The following ALPK2 variants were observed in gnomAD, a reference collection of about 807,000 sequenced individuals.
ALPK2 encodes the protein alpha-protein kinase 2.
In ALPK2, 127 loss-of-function variants were observed where a neutral mutation model predicts 163.1. The observed-to-expected ratio is 0.78, with a 90% CI of 0.67 to 0.90. The LOEUF (loss-of-function observed/expected upper bound fraction) is 0.90. ALPK2 is among the 40% of genes least tolerant of loss of function. The probability of loss-of-function intolerance (pLI) is 0.00; values close to 1 mark genes in which losing one functional copy is unlikely to be tolerated. For synonymous variants in ALPK2, 953 were observed against 959.1 expected, an observed-to-expected ratio of 0.99 and a Z score of 0.12; for missense variants, 2,360 against 2,589.6, an observed-to-expected ratio of 0.91 and a Z score of 1.92.
At chr18:58,618,425 G>T (rs866964668) in intron 1 of ALPK2, among the ~76,000 whole-genome samples, 1 of 152,178 alleles carries the variant, frequency 6.6e-6, no homozygotes, top group African/African-American at 2.4e-5. Context: ...GATGTGGGGC[G>T]TGGATTCCTG....
intron 3 of ALPK2, among the ~76,000 whole-genome samples, chr18:58,599,972 C>A (rs2052060443): frequency 6.9e-6 from 1 of 144,064 alleles, no homozygotes; most frequent in Non-Finnish European, 1.5e-5. Flanking sequence ...TTGATGGTGA[C>A]AATTCTATTA....
rs1010821663 is a variant in ALPK2 at position 58,559,159 on chromosome 18, C to T, written c.1962+19655G>A. Among the ~76,000 whole-genome samples, 7 of 152,166 alleles carry T rather than the reference C, an allele frequency of 4.6e-5. 1 individual carries two copies. The South Asian group carries it at 6.2e-4, about 13-fold the overall frequency. On this transcript the variant is annotated intron_variant, in intron 4 of 12. Transcript: ENST00000361673. ...ATATAATCTAGCCAAAGCTAATCAA[C>T]GTGGGGTGATTTTTGCCCCCATCCC...
intron 1 of ALPK2, among the ~76,000 whole-genome samples, chr18:58,626,817 T>G (rs1361406400): frequency 6.9e-6 from 1 of 144,892 alleles, no homozygotes; most frequent in Non-Finnish European, 1.5e-5. Context: ...ATTGCACTGA[T>G]GCAGATAATG....
rs779550379 is a variant in ALPK2 at position 58,579,074 on chromosome 18, T to C, written c.1702A>G (p.Lys568Glu). The C allele has an allele frequency of 1.2e-6, 2 of 1,614,236 alleles. No homozygotes were observed. The highest frequency in any genetic ancestry group is 1.1e-5 in the South Asian group (1 of 91,084). Residue 568 changes from lysine (K) to glutamate (E), a missense_variant, in exon 4 of 13, where the codon AAA becomes GAA. Coordinates refer to ENST00000361673, the MANE Select transcript of ALPK2 (RefSeq NM_052947.4). ...TEGTLHLCSA[K>E]ESAEPPLTQS... ...GTTAGTGGGGGCTCAGCAGATTCTT[T>C]GGCAGAGCAGAGATGAAGGGTACCT...
rs1393755160 is a variant in ALPK2 at position 58,628,793 on chromosome 18, G to A, written c.-50C>T. ...CAGTACTCTTTGTCCAAGAAATGTT[G>A]TAGGAGGGCTGGCTCAGCTGTGGAT... is the stretch of plus-strand genomic sequence containing the variant. On this transcript the variant is annotated 5_prime_UTR_variant, in exon 1 of 13. An upstream open reading frame in the 5' UTR gains an earlier in-frame stop. Transcript: ENST00000361673. 6.6e-6 allele frequency: 1 copy of A among 152,212 alleles called. No individual in the cohort carries two copies. Among genetic ancestry groups the A allele is most frequent in the East Asian group, 1.9e-4 (1 of 5,200 alleles). The allele number at this position is 152,212 out of a possible 1,614,324, so 9.4% of individuals were successfully genotyped here.
chr18:58,489,386 T>G (rs769063261), intron 12 of ALPK2, among the ~76,000 whole-genome samples: 20 of 152,340 alleles, frequency 1.3e-4, no homozygotes, highest in Middle Eastern at 3.4e-3. Flanking sequence ...AAATGCTATC[T>G]GATATCTCTC....
chr18:58,481,608 A>G lies in ALPK2; in HGVS notation c.*215T>C, dbSNP rs1284031131. ...TGTCTTTGAGACCAATCGTTGATTC[A>G]ATCTCCCCATAAACCTGGTCGCAAA... On this transcript the variant is annotated 3_prime_UTR_variant, in exon 13 of 13. Coordinates refer to ENST00000361673, the MANE Select transcript of ALPK2 (RefSeq NM_052947.4). The G allele has an allele frequency of 1.7e-6, 1 of 582,466 alleles. No individual in the cohort carries two copies. The highest frequency in any genetic ancestry group is 3.1e-6 in the Non-Finnish European group (1 of 324,106). The allele number at this position is 582,466 out of a possible 1,614,324, so 36.1% of individuals were successfully genotyped here.
At chr18:58,565,487 A>T (rs12604778) in intron 4 of ALPK2, among the ~76,000 whole-genome samples, 130,674 of 152,248 alleles carry the variant, frequency 0.86, 56,567 homozygotes, top group East Asian at 1. Context: ...AGGTTGAGCA[A>T]CTTCTTGCAT....
rs1212235785 is a variant in ALPK2, at chr18:58,593,559, G to C, written c.228-13011C>G. ...AGCCTGGGTGACAGGAAGGGACTCT[G>C]TCTCAAAAAAAAAAAAAAAAAAAAA... On this transcript the variant is annotated intron_variant, in intron 3 of 12. Transcript: ENST00000361673. Among the ~76,000 whole-genome samples the C allele has an allele frequency of 2.0e-4, 17 of 83,444 alleles. No individual in the cohort carries two copies. The Admixed American group carries it at 2.2e-3, about 11-fold the overall frequency. 54.7% of individuals were successfully genotyped at this position (83,444 alleles called of 152,430 possible).
chr18:58,559,929 C>T (rs570592109), intron 4 of ALPK2, among the ~76,000 whole-genome samples: 2 of 152,318 alleles, frequency 1.3e-5, no homozygotes, highest in South Asian at 2.1e-4. Flanking sequence ...AATTTAGTGG[C>T]TCAGAACAAC....
intron 11 of ALPK2, among the ~76,000 whole-genome samples, chr18:58,502,125 A>G (rs1448281158): frequency 1.4e-5 from 2 of 142,580 alleles, no homozygotes; most frequent in Non-Finnish European, 3.0e-5. Flanking sequence ...ACAAAGTGAA[A>G]CCCCATCTCC....
At position 58,579,215 on chromosome 18, in the gene ALPK2, C is replaced by T. The variant is rs758713621; in HGVS notation, c.1561G>A (p.Gly521Arg). The change falls in exon 4 of 13, where the codon GGG becomes AGG. Residue 521 changes from glycine to arginine, a missense_variant. Coordinates refer to ENST00000361673, the MANE Select transcript of ALPK2 (RefSeq NM_052947.4). ...CWETAADKRV[G>R]GKDLWSKRGS... ...CTCTTGCTCCATAAGTCCTTTCCCC[C>T]CACTCTCTTGTCAGCTGCCGTCTCC... 2 of 1,613,988 alleles carry T rather than the reference C, an allele frequency of 1.2e-6. No individual in the cohort carries two copies. Among genetic ancestry groups the T allele is most frequent in the Admixed American group, 1.7e-5 (1 of 59,982 alleles).
At chr18:58,563,256 G>C (rs1218860734) in intron 4 of ALPK2, among the ~76,000 whole-genome samples, 4 of 152,136 alleles carry the variant, frequency 2.6e-5, no homozygotes, top group African/African-American at 4.8e-5. Context: ...TATTCCCTCA[G>C]TGATCAAAGA....
chr18:58,580,293 A>T lies in ALPK2; in HGVS notation c.483T>A (p.Ala161=), dbSNP rs2051950759. The change falls in exon 4 of 13, where the codon GCT becomes GCA. Residue 161 remains alanine (A), a synonymous_variant. Transcript: ENST00000361673. ...GGTTGGATTTGGAGGGGGAGGAGTC[A>T]GCTGACCTGGGAGTGCCCGGGGAGA... The part of the protein sequence containing the change: ...ESISPGTPRS[A]DSSPSKSNHS... 3 of 1,614,178 alleles carry T rather than the reference A, an allele frequency of 1.9e-6. No individual in the cohort carries two copies. Among genetic ancestry groups the T allele is most frequent in the Non-Finnish European group, 2.5e-6 (3 of 1,180,030 alleles).
Position 58,580,003 on chromosome 18 carries a change from C to A in ALPK2, c.773G>T (p.Arg258Leu). The change falls in exon 4 of 13, where the codon CGC (arginine) becomes CTC (leucine). Residue 258 changes from arginine to leucine, a missense_variant. Physicochemically the swap from Arg to Leu is moderately radical, Grantham distance 102. Transcript: ENST00000361673. Reference protein sequence around the residue: ...NNDGPHDEGLRSSQQNPKVQK... With the variant: ...NNDGPHDEGLLSSQQNPKVQK... ...TACTTTGGGATTTTGCTGACTAGAG[C>A]GTAAGCCTTCATCATGAGGACCATC... is the stretch of plus-strand genomic sequence containing the variant. The A allele has an allele frequency of 6.2e-7, 1 of 1,614,170 alleles. No individual in the cohort carries two copies. Among genetic ancestry groups the A allele is most frequent in the Non-Finnish European group, 8.5e-7 (1 of 1,180,030 alleles).
chr18:58,489,559 T>A (rs1411686635), intron 12 of ALPK2, among the ~76,000 whole-genome samples: 1 of 152,030 alleles, frequency 6.6e-6, no homozygotes, highest in East Asian at 1.9e-4. Flanking sequence ...TGGTGGTGCA[T>A]GCCTGTAGTT....
At chr18:58,482,298 C>CA (rs982477890) in intron 12 of ALPK2, among the ~76,000 whole-genome samples, 1 of 152,032 alleles carries the variant, frequency 6.6e-6, no homozygotes, top group African/African-American at 2.4e-5. Context: ...CCCAGGTGCT[C>CA]ACGGTTGGAA....
At chr18:58,578,760 A>G in intron 4 of ALPK2, 54 bp downstream of exon 4, 140 of 1,516,386 alleles carry the variant, frequency 9.2e-5, no homozygotes, top group Middle Eastern at 1.8e-4. Flanking sequence ...ACACACACAC[A>G]CACACACACA....
chr18:58,551,936 G>A (rs555122168), intron 4 of ALPK2, among the ~76,000 whole-genome samples: 2 of 152,280 alleles, frequency 1.3e-5, no homozygotes, highest in South Asian at 4.1e-4. Flanking sequence ...AAGAGGCAGG[G>A]ACTGAAGAGT....
Sources: gnomAD v4.1 joint callset for allele counts (sites outside exome capture counted in the v4.1 genomes callset) on GRCh38, gnomAD v4.1.1 for gene constraint, MANE v1.5 for transcripts, NCBI Gene and HGNC (gene_info 2026-07-23, HGNC 2026-07-21) for gene names.